The following SERINC5 variants were observed in gnomAD, a reference collection of about 807,000 sequenced individuals.
SERINC5 encodes the protein serine incorporator 5.
A neutral mutation model predicts 63.1 loss-of-function variants in SERINC5; 41 were observed. The ratio of observed to expected loss-of-function variants is 0.65; its 90% CI spans 0.51 to 0.84. SERINC5 has a LOEUF of 0.84. Ranked by LOEUF, SERINC5 falls within the 40% of genes least tolerant of loss-of-function variation. The probability of loss-of-function intolerance (pLI) is 0.00; values close to 1 mark genes in which losing one functional copy is unlikely to be tolerated. For synonymous variants in SERINC5, 222 were observed against 215.2 expected, an observed-to-expected ratio of 1.03 and a Z score of -0.28; for missense variants, 523 against 573.0, an observed-to-expected ratio of 0.91 and a Z score of 0.89.
intron 2 of SERINC5, among the ~76,000 whole-genome samples, chr5:80,195,690 C>G (rs1055158591): frequency 7.9e-5 from 12 of 152,194 alleles, no homozygotes; most frequent in Admixed American, 2.0e-4. Context: ...TTCAGAGTTT[C>G]AAACATAACG....
At chr5:80,188,856 A>G (rs1256532663) in intron 2 of SERINC5, among the ~76,000 whole-genome samples, 3 of 152,140 alleles carry the variant, frequency 2.0e-5, no homozygotes, top group East Asian at 1.9e-4. Flanking sequence ...TCAGCCCAGA[A>G]GGTTGAGGCT....
intron 11 of SERINC5, among the ~76,000 whole-genome samples, chr5:80,130,089 G>A (rs1274502558): frequency 6.6e-6 from 1 of 152,082 alleles, no homozygotes; most frequent in Non-Finnish European, 1.5e-5. Flanking sequence ...TGGTTTATAA[G>A]AGCATTTTAG....
At chr5:80,206,583 C>T (rs1408085880) in intron 1 of SERINC5, among the ~76,000 whole-genome samples, 2 of 152,176 alleles carry the variant, frequency 1.3e-5, no homozygotes, top group Admixed American at 6.5e-5. Context: ...TAAGAGAATA[C>T]ACAAGTGGTA....
chr5:80,195,840 G>A (rs568901295), intron 2 of SERINC5, among the ~76,000 whole-genome samples: 2 of 152,316 alleles, frequency 1.3e-5, no homozygotes, highest in Admixed American at 1.3e-4. Context: ...TTCACCTACA[G>A]TCACTACACT....
intron 1 of SERINC5, chr5:80,203,291 T>G: frequency 5.8e-6 from 1 of 171,226 alleles, no homozygotes; most frequent in African/African-American, 2.4e-5. Flanking sequence ...TATTTATATA[T>G]ATTGAGACAG....
At chr5:80,216,512 G>A (rs952155249) in intron 1 of SERINC5, among the ~76,000 whole-genome samples, 1 of 152,154 alleles carries the variant, frequency 6.6e-6, no homozygotes, top group African/African-American at 2.4e-5. Flanking sequence ...CATTTCCACT[G>A]AGGAAAAAAC....
chr5:80,196,131 G>A (rs745496025), intron 2 of SERINC5, among the ~76,000 whole-genome samples: 22 of 152,072 alleles, frequency 1.4e-4, no homozygotes, highest in Non-Finnish European at 2.5e-4. Flanking sequence ...CTAGAAAAAC[G>A]GGGATGCAGG....
rs541933514 is a variant in SERINC5, at chr5:80,184,540, A to C, written c.196-6476T>G. Reference sequence around the variant, plus strand: ...GTGAGTACATTGACACTGTATATTCATCAAAAACAGGTAAACAACCCCCCT... The same window carrying C: ...GTGAGTACATTGACACTGTATATTCCTCAAAAACAGGTAAACAACCCCCCT... On this transcript the variant is annotated intron_variant, in intron 2 of 11. Transcript: ENST00000507668. Among the ~76,000 whole-genome samples, 23 of 152,272 alleles carry C rather than the reference A, an allele frequency of 1.5e-4. No individual in the cohort carries two copies. The South Asian group carries it at 4.8e-3, about 32-fold the overall frequency.
rs891334516 is a variant in SERINC5, at chr5:80,195,338, A to G, written c.195+7548T>C. 6.6e-5 allele frequency among the ~76,000 whole-genome samples: 10 copies of G among 152,190 alleles called. 1 individual carries two copies. In the South Asian group the frequency reaches 1.9e-3, roughly 28 times the overall value. ...GTATTCAAATTATATCCTAAGCAAT[A>G]TATCAATGTAACAAAATTACACTTG... On this transcript the variant is annotated intron_variant, in intron 2 of 11. Coordinates refer to ENST00000507668, the MANE Select transcript of SERINC5 (RefSeq NM_001174072.3).
chr5:80,149,350 CT>C (rs1746022664), intron 9 of SERINC5, among the ~76,000 whole-genome samples: 2 of 147,328 alleles, frequency 1.4e-5, no homozygotes, highest in African/African-American at 5.1e-5. Context: ...CAATTTTCTC[CT>C]TTAGGCAACA....
chr5:80,233,145 G>T (rs1046415607), intron 1 of SERINC5, among the ~76,000 whole-genome samples: 1 of 152,168 alleles, frequency 6.6e-6, no homozygotes, highest in African/African-American at 2.4e-5. Flanking sequence ...TTTCTTTAAG[G>T]CCGGGTGCAG....
intron 1 of SERINC5, among the ~76,000 whole-genome samples, chr5:80,214,176 AAT>A (rs986906891): frequency 1.3e-5 from 2 of 152,230 alleles, no homozygotes; most frequent in African/African-American, 4.8e-5. Context: ...ATAAACTGAA[AAT>A]AGTTAATATT....
chr5:80,135,851 C>A (rs1745148258), downstream of SERINC5, among the ~76,000 whole-genome samples: 1 of 148,854 alleles, frequency 6.7e-6, no homozygotes, highest in South Asian at 2.1e-4. Context: ...GAGCTGAAGA[C>A]TATCAGTATC....
intron 11 of SERINC5, among the ~76,000 whole-genome samples, chr5:80,120,586 G>A (rs973459763): frequency 1.3e-5 from 2 of 152,128 alleles, no homozygotes; most frequent in Non-Finnish European, 2.9e-5. Context: ...GGCTGAGGCA[G>A]GAGGATCACT....
chr5:80,177,519 A>C (rs933693344), intron 3 of SERINC5, 122 bp from the exon 4 acceptor site: 3 of 759,660 alleles, frequency 3.9e-6, no homozygotes, highest in South Asian at 1.8e-5. Flanking sequence ...GTTCTCTCCT[A>C]ATCAAGGGGA....
chr5:80,147,882 T>A (rs1402848419), intron 9 of SERINC5, among the ~76,000 whole-genome samples: 1 of 152,192 alleles, frequency 6.6e-6, no homozygotes, highest in African/African-American at 2.4e-5. Flanking sequence ...CTTATTATTA[T>A]CCTGTGTACA....
chr5:80,154,699 C>T (rs910183983), intron 8 of SERINC5, among the ~76,000 whole-genome samples: 8 of 152,066 alleles, frequency 5.3e-5, no homozygotes, highest in Admixed American at 2.6e-4. Flanking sequence ...GCTATCACAC[C>T]AACCTGCGAA....
At chr5:80,254,059 G>A (rs1341739905) in intron 1 of SERINC5, among the ~76,000 whole-genome samples, 1 of 152,182 alleles carries the variant, frequency 6.6e-6, no homozygotes, top group Non-Finnish European at 1.5e-5. Flanking sequence ...CTGTGTAGCT[G>A]GGATTACAGG....
At chr5:80,152,725 G>A (rs1746265934) in intron 8 of SERINC5, among the ~76,000 whole-genome samples, 1 of 152,112 alleles carries the variant, frequency 6.6e-6, no homozygotes, top group Non-Finnish European at 1.5e-5. Context: ...TGGATCCCTT[G>A]AGGTCAGGAG....
Sources: allele counts gnomAD v4.1 joint callset (sites outside exome capture counted in the v4.1 genomes callset), GRCh38; gene constraint gnomAD v4.1.1; transcripts MANE v1.5; gene names NCBI Gene and HGNC (gene_info 2026-07-23, HGNC 2026-07-21).